TRIM5: variants seen among roughly 807,000 people sequenced by gnomAD.
The protein encoded by TRIM5 is tripartite motif containing 5.
TRIM5 carries 31 observed loss-of-function variants against 35.6 expected under a neutral mutation model. That is an observed-to-expected ratio of 0.87 (90% CI 0.65 to 1.18). The LOEUF (loss-of-function observed/expected upper bound fraction) is 1.18. Among genes scored for constraint, TRIM5 ranks in the 50% most tolerant of loss-of-function variants. The pLI is 0.00. For missense variants in TRIM5, 609 were observed against 591.6 expected, an observed-to-expected ratio of 1.03 and a Z score of -0.31; for synonymous variants, 243 against 215.6, an observed-to-expected ratio of 1.13 and a Z score of -1.11.
chr11:5,604,612 A>G, the TRIM5 span: 1 of 1,612,942 alleles, frequency 6.2e-7, no homozygotes, highest in Non-Finnish European at 8.5e-7. Context: ...TATCAGAGAG[A>G]AGAAAACATC....
rs1850918026 is a variant in TRIM5, at chr11:5,663,687, T to C, written c.*1122A>G. On this transcript the variant is annotated 3_prime_UTR_variant, in exon 8 of 8. Coordinates refer to ENST00000380034, the MANE Select transcript of TRIM5 (RefSeq NM_033034.3). ...TATTTATGTGGTACAGTGTGATGTTTTGATACATGTATACATTGCGTAATA... is the reference window on the plus strand; with the variant it reads ...TATTTATGTGGTACAGTGTGATGTTCTGATACATGTATACATTGCGTAATA... 1.6e-6 allele frequency: 1 copy of C among 609,704 alleles called. No homozygotes were observed. The highest frequency in any genetic ancestry group is 2.1e-6 in the Non-Finnish European group (1 of 486,620). 37.8% of individuals were successfully genotyped at this position (609,704 alleles called of 1,614,324 possible).
At chr11:5,667,829 A>G in intron 4 of TRIM5, 118 bp from the exon 5 acceptor site, 1 of 1,080,562 alleles carries the variant, frequency 9.3e-7, no homozygotes, top group East Asian at 2.6e-5. Flanking sequence ...GACAGTGTGA[A>G]AGACAAAAAA....
At chr11:5,612,638 G>A in the TRIM5 span, 1 of 152,168 alleles carries the variant, frequency 6.6e-6, no homozygotes, top group African/African-American at 2.4e-5. Context: ...TATGACTTTG[G>A]TAGAGAGGTG....
chr11:5,668,989 C>G (rs1851352839), intron 4 of TRIM5, among the ~76,000 whole-genome samples: 1 of 151,986 alleles, frequency 6.6e-6, no homozygotes, highest in African/African-American at 2.4e-5. Context: ...ACCACATTGT[C>G]CATAATATTA....
chr11:5,658,857 A>G (rs1850718557), downstream of TRIM5, among the ~76,000 whole-genome samples: 1 of 152,216 alleles, frequency 6.6e-6, no homozygotes, highest in South Asian at 2.1e-4. Context: ...TTGCAGGGAC[A>G]TGGATGAAGC....
intron 4 of TRIM5, among the ~76,000 whole-genome samples, chr11:5,676,347 C>G (rs1851979354): frequency 1.3e-5 from 2 of 152,012 alleles, no homozygotes; most frequent in African/African-American, 4.8e-5. Context: ...GAGTGAACTC[C>G]CATTCACAAT....
chr11:5,643,228 G>A, the TRIM5 span: 2 of 1,612,936 alleles, frequency 1.2e-6, no homozygotes, highest in Non-Finnish European at 1.7e-6. Context: ...GTGCCAATTT[G>A]GCCTTTTCAG....
chr11:5,654,719 A>G, the TRIM5 span, among the ~76,000 whole-genome samples: 3 of 152,150 alleles, frequency 2.0e-5, no homozygotes, highest in Non-Finnish European at 2.9e-5. Context: ...TGTGTTGTGG[A>G]TAGATTAACC....
chr11:5,681,471 T>C (rs1180601468), intron 1 of TRIM5, among the ~76,000 whole-genome samples: 1 of 152,302 alleles, frequency 6.6e-6, no homozygotes, highest in East Asian at 1.9e-4. Flanking sequence ...ATAACTAAGG[T>C]CTGAGTTTTA....
chr11:5,655,562 G>T, the TRIM5 span: 9 of 833,654 alleles, frequency 1.1e-5, no homozygotes, highest in Non-Finnish European at 1.3e-5. Flanking sequence ...TATTATTTCA[G>T]TAAGAAACAT....
At chr11:5,593,506 A>G in the TRIM5 span, among the ~76,000 whole-genome samples, 1 of 152,156 alleles carries the variant, frequency 6.6e-6, no homozygotes, top group African/African-American at 2.4e-5. Flanking sequence ...AGATTTGCTC[A>G]CAGAAAATCT....
At chr11:5,592,499 C>T in the TRIM5 span, among the ~76,000 whole-genome samples, 2 of 152,042 alleles carry the variant, frequency 1.3e-5, no homozygotes, top group African/African-American at 4.8e-5. Context: ...TTCCAGAGTC[C>T]ATCATCTTAA....
At chr11:5,607,545 C>G in the TRIM5 span, among the ~76,000 whole-genome samples, 1 of 152,042 alleles carries the variant, frequency 6.6e-6, no homozygotes, top group Non-Finnish European at 1.5e-5. Context: ...ATAAAAAGAC[C>G]AAATAGAAAG....
chr11:5,643,026 A>AGT, the TRIM5 span: 1 of 1,289,962 alleles, frequency 7.8e-7, no homozygotes. Context: ...GTCACTTCCC[A>AGT]AGTTCGTTCA....
the TRIM5 span, chr11:5,589,597 C>T: frequency 6.6e-6 from 1 of 151,286 alleles, no homozygotes; most frequent in Non-Finnish European, 1.5e-5. Context: ...TTTATATGTC[C>T]ATAAACTCTC....
chr11:5,618,485 T>C, the TRIM5 span, among the ~76,000 whole-genome samples: 1 of 152,218 alleles, frequency 6.6e-6, no homozygotes, highest in African/African-American at 2.4e-5. Flanking sequence ...ATAAGTAATA[T>C]TAAACTTGGG....
the TRIM5 span, among the ~76,000 whole-genome samples, chr11:5,630,493 G>T: frequency 6.6e-6 from 1 of 152,142 alleles, no homozygotes; most frequent in South Asian, 2.1e-4. Context: ...GCTCATGTGA[G>T]GCCAAGGCCT....
At chr11:5,637,302 T>C in the TRIM5 span, among the ~76,000 whole-genome samples, 1 of 152,248 alleles carries the variant, frequency 6.6e-6, no homozygotes, top group East Asian at 1.9e-4. Flanking sequence ...GGTGTTATCA[T>C]ATATCCATTG....
chr11:5,681,245 C>T (rs1004070303), intron 1 of TRIM5, among the ~76,000 whole-genome samples: 2 of 152,102 alleles, frequency 1.3e-5, no homozygotes, highest in African/African-American at 4.8e-5. Context: ...AACGGAGGGT[C>T]GGCTGCTGCT....
Sources: allele counts gnomAD v4.1 joint callset (sites outside exome capture counted in the v4.1 genomes callset), GRCh38; gene constraint gnomAD v4.1.1; transcripts MANE v1.5; gene names NCBI Gene and HGNC (gene_info 2026-07-23, HGNC 2026-07-21).